Variants in IGHMBP2 observed in about 807,000 individuals in gnomAD.
IGHMBP2 encodes immunoglobulin mu DNA binding protein 2.
In IGHMBP2, 81 loss-of-function variants were observed where a neutral mutation model predicts 96.0. The ratio of observed to expected loss-of-function variants is 0.84; its 90% CI spans 0.71 to 1.01. The LOEUF (loss-of-function observed/expected upper bound fraction) is 1.01, where lower values mean the gene tolerates loss of function less well. IGHMBP2 is among the 50% of genes least tolerant of loss of function. IGHMBP2 has a pLI of 0.00. For synonymous variants in IGHMBP2, 557 were observed against 548.9 expected (o/e 1.01, Z -0.21); for missense variants, 1,227 against 1,306.3 (o/e 0.94, Z 0.94).
At position 68,933,882 on chromosome 11, in the gene IGHMBP2, G is replaced by A; in HGVS notation, c.1506G>A (p.Glu502=). The A allele has an allele frequency of 1.2e-6, 2 of 1,601,384 alleles. No homozygotes were observed. The highest frequency in any genetic ancestry group is 1.7e-6 in the Non-Finnish European group (2 of 1,173,388). The part of the protein sequence containing the change: ...DTAGCGLFEL[E]EEDEQSKGNP... ...CCGGCTGCGGGCTGTTTGAGCTGGA[G>A]GAGGAGGACGAACAGTCGAAAGGGA... Residue 502 remains glutamate, a synonymous_variant, in exon 10 of 15, where the codon GAG becomes GAA. Coordinates refer to ENST00000255078, the MANE Select transcript of IGHMBP2 (RefSeq NM_002180.3).
chr11:68,927,844 C>G (rs1299600089), intron 7 of IGHMBP2, among the ~76,000 whole-genome samples: 5 of 152,184 alleles, frequency 3.3e-5, no homozygotes, highest in Non-Finnish European at 7.4e-5. Context: ...CAACCCTGTT[C>G]TGCACCCCCC....
At chr11:68,930,986 T>C (rs949813299) in intron 8 of IGHMBP2, among the ~76,000 whole-genome samples, 11 of 152,196 alleles carry the variant, frequency 7.2e-5, no homozygotes, top group Admixed American at 4.6e-4. Flanking sequence ...GATGTGCCAA[T>C]TGGTCCATGG....
At chr11:68,932,000 C>T (rs1859327260) in intron 8 of IGHMBP2, among the ~76,000 whole-genome samples, 1 of 145,576 alleles carries the variant, frequency 6.9e-6, no homozygotes, top group Admixed American at 6.9e-5. Flanking sequence ...GGTGGTGTTC[C>T]CTGGAGAGAG....
intron 7 of IGHMBP2, among the ~76,000 whole-genome samples, chr11:68,921,634 T>G (rs1218454243): frequency 6.6e-6 from 1 of 152,248 alleles, no homozygotes; most frequent in Non-Finnish European, 1.5e-5. Context: ...GTTCTTGTTT[T>G]AATGGTGAAT....
intron 14 of IGHMBP2, 84 bp from the exon 15 acceptor site, chr11:68,939,450 C>A: frequency 6.9e-7 from 1 of 1,454,990 alleles, no homozygotes; most frequent in Non-Finnish European, 9.6e-7. Context: ...GCGCCTGTGG[C>A]CCCCCAGCTC....
chr11:68,905,332 G>C (rs496616), intron 1 of IGHMBP2, among the ~76,000 whole-genome samples: 40,215 of 152,150 alleles, frequency 0.26, 5,807 homozygotes, highest in South Asian at 0.48. Flanking sequence ...TTCATTTATG[G>C]CTGTGTGACT....
intron 7 of IGHMBP2, 43 bp from the exon 8 acceptor site, chr11:68,929,140 G>A: frequency 6.3e-7 from 1 of 1,591,626 alleles, no homozygotes; most frequent in Non-Finnish European, 8.6e-7. Flanking sequence ...CTGTTGGGAA[G>A]CAGCTGTGCC....
chr11:68,929,036 GT>G, intron 7 of IGHMBP2, 146 bp from the exon 8 acceptor site: 1 of 828,306 alleles, frequency 1.2e-6, no homozygotes, highest in Non-Finnish European at 2.0e-6. Context: ...TCTTGGCCAA[GT>G]TTTTATTACA....
chr11:68,908,690 G>C lies in IGHMBP2; in HGVS notation c.547+59G>C, dbSNP rs145723980. Reference sequence around the variant, plus strand: ...ATCACTACTGAAAGTATAGAGAACAGTGTGACCTTGGGCCGTTTTAATAAG... The same window carrying C: ...ATCACTACTGAAAGTATAGAGAACACTGTGACCTTGGGCCGTTTTAATAAG... On this transcript the variant is annotated intron_variant, in intron 4 of 14. Transcript: ENST00000255078. 632 of 1,187,948 alleles carry C rather than the reference G, an allele frequency of 5.3e-4. 1 individual carries two copies. The African/African-American group carries it at 7.4e-3, about 14-fold the overall frequency. 73.6% of individuals were successfully genotyped at this position (1,187,948 alleles called of 1,614,324 possible). A position where few individuals can be genotyped will look rare whatever the true frequency, so the allele number is the denominator to read the frequency against.
intron 2 of IGHMBP2, among the ~76,000 whole-genome samples, chr11:68,906,723 A>T (rs1485226736): frequency 6.7e-6 from 1 of 148,978 alleles, no homozygotes; most frequent in South Asian, 2.1e-4. Flanking sequence ...GCTCACTGCA[A>T]CCTCCGCCTC....
chr11:68,913,043 C>CAAAA lies in IGHMBP2; in HGVS notation c.711+1462_711+1465dup, dbSNP rs71043469. Among the ~76,000 whole-genome samples, 339 of 37,408 alleles carry CAAAA rather than the reference C, an allele frequency of 9.1e-3. 14 individuals are homozygous for CAAAA. Among genetic ancestry groups the CAAAA allele is most frequent in the African/African-American group, 0.037 (311 of 8,308 alleles). 24.5% of individuals were successfully genotyped at this position (37,408 alleles called of 152,430 possible). On this transcript the variant is annotated intron_variant, in intron 5 of 14. Transcript: ENST00000255078. ...GGCAATAAGAGCAAAACTCCATCTC[C>CAAAA]AAAAAAAAAAAAAAAAAAAAAAAAA...
In IGHMBP2 at chr11:68,929,218, G is replaced by A. The variant is rs759014082; in HGVS notation, c.1096G>A (p.Glu366Lys). The A allele has an allele frequency of 3.7e-6, 6 of 1,613,618 alleles. No individual in the cohort carries two copies. In the South Asian group the frequency reaches 4.4e-5, roughly 12 times the overall value. Residue 366 changes from glutamate (E) to lysine (K), a missense_variant, in exon 8 of 15, where the codon GAG becomes AAG. This residue lies in a region of IGHMBP2 where 507 missense variants were observed against 496.9 expected (regional missense o/e 1.02). Coordinates refer to ENST00000255078, the MANE Select transcript of IGHMBP2 (RefSeq NM_002180.3). ...SADGPLKLLP[E>K]SYFDVVVIDE... ...CGATGGCCCCCTGAAGTTGCTGCCC[G>A]AGAGCTACTTCGACGTGGTGGTCAT...
chr11:68,930,196 G>T (rs772125446), intron 8 of IGHMBP2: 3 of 1,227,368 alleles, frequency 2.4e-6, no homozygotes, highest in Non-Finnish European at 2.1e-6. Context: ...TCAGAAAGTT[G>T]TCCCTGAGGA....
chr11:68,914,726 T>A, intron 5 of IGHMBP2, 97 bp from the exon 6 acceptor site: 1 of 1,275,808 alleles, frequency 7.8e-7, no homozygotes, highest in Non-Finnish European at 1.1e-6. Flanking sequence ...ACATGCCTTG[T>A]GCTTCTTTCT....
intron 7 of IGHMBP2, among the ~76,000 whole-genome samples, chr11:68,923,374 T>G (rs1010666325): frequency 6.6e-6 from 1 of 152,098 alleles, no homozygotes; most frequent in Non-Finnish European, 1.5e-5. Flanking sequence ...GGCTAATTTT[T>G]GTATTTTTAG....
At chr11:68,930,122 C>G in intron 8 of IGHMBP2, 1 of 1,189,036 alleles carries the variant, frequency 8.4e-7, no homozygotes, top group Non-Finnish European at 1.1e-6. Flanking sequence ...TATCCCTTGA[C>G]TGCCCTTACA....
chr11:68,918,546 G>A (rs1447571004), intron 7 of IGHMBP2, among the ~76,000 whole-genome samples: 2 of 152,104 alleles, frequency 1.3e-5, no homozygotes, highest in Non-Finnish European at 2.9e-5. Context: ...GGAGGCTGAG[G>A]TAGGAGAATT....
intron 2 of IGHMBP2, among the ~76,000 whole-genome samples, chr11:68,907,675 A>G (rs1026848189): frequency 5.9e-5 from 9 of 151,840 alleles, no homozygotes; most frequent in Admixed American, 2.6e-4. Flanking sequence ...GAGAGAGGAG[A>G]GGGCCAGGAG....
chr11:68,905,260 C>T (rs1001892713), intron 1 of IGHMBP2, among the ~76,000 whole-genome samples: 6 of 152,242 alleles, frequency 3.9e-5, no homozygotes, highest in Non-Finnish European at 7.3e-5. Context: ...GTCTGAGATG[C>T]TTTTGATCAT....
Sources: allele counts gnomAD v4.1 joint callset (sites outside exome capture counted in the v4.1 genomes callset), GRCh38; gene constraint gnomAD v4.1.1; regional missense constraint gnomAD v4.1.1; transcripts MANE v1.5; gene names NCBI Gene and HGNC (gene_info 2026-07-23, HGNC 2026-07-21).